Variants in PHF21A observed in about 807,000 individuals in gnomAD.
PHF21A encodes PHD finger protein 21A.
A neutral mutation model predicts 82.5 loss-of-function variants in PHF21A; 11 were observed. The ratio of observed to expected loss-of-function variants is 0.13; its 90% CI spans 0.08 to 0.22. PHF21A has a LOEUF of 0.22. Among genes scored for constraint, PHF21A ranks in the 10% least tolerant of loss-of-function variants. PHF21A has a pLI of 1.00. For missense variants in PHF21A, 579 were observed against 837.8 expected (o/e 0.69, Z 3.81); for synonymous variants, 297 against 302.8 (o/e 0.98, Z 0.20).
intron 1 of PHF21A, among the ~76,000 whole-genome samples, chr11:46,112,564 C>T (rs2097229473): frequency 6.6e-6 from 1 of 152,170 alleles, no homozygotes; most frequent in Admixed American, 6.5e-5. Context: ...CATTTCACCT[C>T]TTTCTCTGCC....
intron 10 of PHF21A, among the ~76,000 whole-genome samples, chr11:45,962,162 T>C (rs748875715): frequency 7.9e-5 from 12 of 152,324 alleles, no homozygotes; most frequent in Admixed American, 2.6e-4. Context: ...ATCCACCTTA[T>C]ATATAGACAT....
intron 1 of PHF21A, among the ~76,000 whole-genome samples, chr11:46,108,713 T>C (rs918586377): frequency 6.6e-6 from 1 of 152,128 alleles, no homozygotes; most frequent in African/African-American, 2.4e-5. Context: ...GCTTTTGTAA[T>C]ATTTCTTGAA....
intron 15 of PHF21A, among the ~76,000 whole-genome samples, chr11:45,945,478 T>A (rs1200352735): frequency 6.6e-6 from 1 of 152,220 alleles, no homozygotes; most frequent in Non-Finnish European, 1.5e-5. Context: ...GGGGACTGTA[T>A]GTCTTGTTCA....
intron 6 of PHF21A, among the ~76,000 whole-genome samples, chr11:45,985,081 C>T (rs2094446271): frequency 6.6e-6 from 1 of 152,036 alleles, no homozygotes; most frequent in Non-Finnish European, 1.5e-5. Context: ...CAAAATGAAA[C>T]CAAGGATACT....
intron 1 of PHF21A, chr11:46,116,604 A>AT (rs34135200): frequency 6.6e-6 from 1 of 151,634 alleles, no homozygotes; most frequent in Non-Finnish European, 1.5e-5. Flanking sequence ...ACTAGGCAGC[A>AT]TTTTTTCAAA....
intron 5 of PHF21A, among the ~76,000 whole-genome samples, chr11:46,078,586 A>AT (rs1203736212): frequency 6.6e-6 from 1 of 152,102 alleles, no homozygotes; most frequent in East Asian, 1.9e-4. Flanking sequence ...TTCTCTGTTA[A>AT]TTTTTCTGTT....
At chr11:45,994,561 G>A (rs906926007) in intron 6 of PHF21A, among the ~76,000 whole-genome samples, 19 of 152,160 alleles carry the variant, frequency 1.2e-4, no homozygotes, top group African/African-American at 4.3e-4. Flanking sequence ...CTTCTGCTTA[G>A]TCTCCACAGG....
At chr11:46,017,273 C>T (rs2095536080) in intron 6 of PHF21A, among the ~76,000 whole-genome samples, 2 of 152,116 alleles carry the variant, frequency 1.3e-5, no homozygotes, top group South Asian at 4.1e-4. Flanking sequence ...GCCCGGCCTA[C>T]ATCTATTAAT....
chr11:45,935,785 ATTCTTTGAAATGTC>A, intron 17 of PHF21A, 46 bp from the exon 18 acceptor site: 1 of 881,074 alleles, frequency 1.1e-6, no homozygotes, highest in Admixed American at 2.3e-5. Flanking sequence ...TTGACAATTA[ATTCTTTGAAATGTC>A]CTCTGTGCTC....
intron 15 of PHF21A, among the ~76,000 whole-genome samples, chr11:45,938,605 T>C (rs999740738): frequency 3.3e-5 from 5 of 152,122 alleles, no homozygotes; most frequent in African/African-American, 4.8e-5. Context: ...TGTTTTTCTA[T>C]ACACACAGAC....
Position 46,067,634 on chromosome 11 carries a change from GGAA to G in PHF21A, c.153+9117_153+9119del, listed in dbSNP as rs1178196017. Among the ~76,000 whole-genome samples the G allele has an allele frequency of 5.3e-5, 8 of 151,446 alleles. 1 individual carries two copies. The highest frequency in any genetic ancestry group is 1.9e-4 in the African/African-American group (8 of 41,314). ...AAAACTGAATTGAATCATTTAAATG[GGAA>G]TTTTCTTTTGATGGTGAACCCTTGG... is the stretch of plus-strand genomic sequence containing the variant. On this transcript the variant is annotated intron_variant, in intron 6 of 18. Transcript: ENST00000676320.
At chr11:46,107,238 G>A (rs527909995) in intron 1 of PHF21A, among the ~76,000 whole-genome samples, 1 of 152,188 alleles carries the variant, frequency 6.6e-6, no homozygotes, top group Non-Finnish European at 1.5e-5. Context: ...ATTTTTAAAA[G>A]TGTAGAGAGT....
chr11:46,048,273 T>C (rs753922676), intron 6 of PHF21A, among the ~76,000 whole-genome samples: 1 of 152,218 alleles, frequency 6.6e-6, no homozygotes, highest in African/African-American at 2.4e-5. Flanking sequence ...CCTTTTGTCA[T>C]TGGCTTCTTT....
chr11:45,936,845 CCA>C (rs2089191257), intron 16 of PHF21A: 1 of 345,302 alleles, frequency 2.9e-6, no homozygotes, highest in Non-Finnish European at 5.3e-6. Flanking sequence ...TTCACACACG[CCA>C]CATGACACCC....
At chr11:45,957,086 T>C (rs901099849) in intron 10 of PHF21A, among the ~76,000 whole-genome samples, 25 of 152,124 alleles carry the variant, frequency 1.6e-4, no homozygotes, top group African/African-American at 6.0e-4. Context: ...AAAGATGATA[T>C]AACAGTTATA....
At chr11:45,979,141 C>T (rs1007493708) in intron 7 of PHF21A, among the ~76,000 whole-genome samples, 28 of 152,012 alleles carry the variant, frequency 1.8e-4, no homozygotes, top group Admixed American at 1.6e-3. Context: ...CTCAGCCTGC[C>T]GAGTAGCTGG....
chr11:46,080,167 G>A (rs2932510), intron 4 of PHF21A, among the ~76,000 whole-genome samples: 6 of 151,828 alleles, frequency 4.0e-5, no homozygotes, highest in Non-Finnish European at 8.8e-5. Context: ...CTAACTACTA[G>A]TTTTTTTTTG....
chr11:46,062,572 T>C (rs1475256352), intron 6 of PHF21A, among the ~76,000 whole-genome samples: 1 of 152,188 alleles, frequency 6.6e-6, no homozygotes, highest in Non-Finnish European at 1.5e-5. Context: ...TTATAGTTAT[T>C]TTGAATGGTC....
intron 6 of PHF21A, among the ~76,000 whole-genome samples, chr11:45,991,888 A>G (rs2094715394): frequency 6.6e-6 from 1 of 152,250 alleles, no homozygotes; most frequent in East Asian, 1.9e-4. Context: ...AAGCTAAATC[A>G]TTAAAGAACA....
Sources: allele counts gnomAD v4.1 joint callset (sites outside exome capture counted in the v4.1 genomes callset), GRCh38; gene constraint gnomAD v4.1.1; transcripts MANE v1.5; gene names NCBI Gene and HGNC (gene_info 2026-07-23, HGNC 2026-07-21).